The following PGR variants were observed in gnomAD, a reference collection of about 807,000 sequenced individuals.
PGR encodes nuclear receptor subfamily 3 group C member 3.
A neutral mutation model predicts 76.1 loss-of-function variants in PGR; 25 were observed. The observed-to-expected ratio is 0.33, with a 90% CI of 0.24 to 0.46. The LOEUF (loss-of-function observed/expected upper bound fraction) is 0.46. Among genes scored for constraint, PGR ranks in the 20% least tolerant of loss-of-function variants. The pLI is 1.00. For synonymous variants in PGR, 579 were observed against 535.0 expected, an observed-to-expected ratio of 1.08 and a Z score of -1.14; for missense variants, 1,172 against 1,225.3, an observed-to-expected ratio of 0.96 and a Z score of 0.65.
chr11:101,042,290 C>T (rs1859717692), intron 6 of PGR, among the ~76,000 whole-genome samples, 188 bp from the exon 7 acceptor site: 1 of 152,076 alleles, frequency 6.6e-6, no homozygotes. Context: ...ACTTCTAGTT[C>T]ACTGGAAGAA....
At chr11:101,088,894 T>C (rs1396704622) in intron 3 of PGR, among the ~76,000 whole-genome samples, 1 of 152,178 alleles carries the variant, frequency 6.6e-6, no homozygotes, top group Non-Finnish European at 1.5e-5. Context: ...AGCATGGATG[T>C]AGCTGTAGGC....
At chr11:101,041,870 T>A in intron 7 of PGR, 75 bp downstream of exon 7, 1 of 1,320,528 alleles carries the variant, frequency 7.6e-7, no homozygotes, top group Non-Finnish European at 1.1e-6. Context: ...AAAGTAAAAT[T>A]TACATGTAAC....
rs1332449152 is a variant in PGR at position 101,035,876 on chromosome 11, G to A, written c.*3240C>T. ...AATCCTGCTTTCACTGTAGAATATA[G>A]CTGGTGAGTTTGATAAAATTATAGC... On this transcript the variant is annotated 3_prime_UTR_variant, in exon 8 of 8. Transcript: ENST00000325455. 4.3e-6 allele frequency: 1 copy of A among 230,114 alleles called. No homozygotes were observed. Among genetic ancestry groups the A allele is most frequent in the Non-Finnish European group, 8.6e-6 (1 of 116,184 alleles). The allele number at this position is 230,114 out of a possible 1,614,324, so 14.3% of individuals were successfully genotyped here.
rs2135370126 is a variant in PGR at position 101,035,165 on chromosome 11, C to T, written c.*3951G>A. The T allele has an allele frequency of 9.3e-6, 2 of 214,208 alleles. No homozygotes were observed. Among genetic ancestry groups the T allele is most frequent in the Middle Eastern group, 1.5e-3 (1 of 668 alleles). The allele number at this position is 214,208 out of a possible 1,614,324, so 13.3% of individuals were successfully genotyped here. ...TTATGCCATTACTTGTCTCCTTGTC[C>T]ACTTCACTTTATCAGTGGGGACCAC... is the stretch of plus-strand genomic sequence containing the variant. On this transcript the variant is annotated 3_prime_UTR_variant, in exon 8 of 8. Coordinates refer to ENST00000325455, the MANE Select transcript of PGR (RefSeq NM_000926.4).
At chr11:101,046,292 A>ATTTTTTTTTTTTTT (rs540943297) in intron 6 of PGR, among the ~76,000 whole-genome samples, 15 of 66,290 alleles carry the variant, frequency 2.3e-4, no homozygotes, top group Non-Finnish European at 3.0e-4. Context: ...CGCCTGGCTA[A>ATTTTTTTTTTTTTT]TTTTTTTTTT....
chr11:101,082,621 C>T (rs1414755527), intron 3 of PGR, among the ~76,000 whole-genome samples: 1 of 152,176 alleles, frequency 6.6e-6, no homozygotes, highest in East Asian at 1.9e-4. Flanking sequence ...AGACTGGTGG[C>T]ATTTTGCCCC....
chr11:101,062,353 A>G, intron 4 of PGR, 94 bp downstream of exon 4: 3 of 939,946 alleles, frequency 3.2e-6, no homozygotes, highest in Non-Finnish European at 1.7e-6. Flanking sequence ...TATTGTAGTT[A>G]ATTTACTGCA....
At chr11:101,064,615 T>C (rs1047154933) in intron 3 of PGR, among the ~76,000 whole-genome samples, 6 of 152,070 alleles carry the variant, frequency 3.9e-5, no homozygotes, top group African/African-American at 1.4e-4. Context: ...AGTTTCCCTG[T>C]CCATGACTAT....
rs923874516 is a variant in PGR, at chr11:101,127,601, G to T, written c.1470C>A (p.Leu490=). 7.7e-7 allele frequency: 1 copy of T among 1,303,394 alleles called. No individual in the cohort carries two copies. Among genetic ancestry groups the T allele is most frequent in the African/African-American group, 1.5e-5 (1 of 64,586 alleles). 80.7% of individuals were successfully genotyped at this position (1,303,394 alleles called of 1,614,324 possible). A position where few individuals can be genotyped will look rare whatever the true frequency, so the allele number is the denominator to read the frequency against. ...AGGTGGAGGGCAGGCCGTCCCGCGG[G>T]AGCAGGCAGCCGCTCGCGCCCGGCG... ...CKAPGASGCL[L]PRDGLPSTSA... is the part of the protein sequence containing the mutation. Residue 490 remains leucine (L), a synonymous_variant, in exon 1 of 8, where the codon CTC becomes CTA. Coordinates refer to ENST00000325455, the MANE Select transcript of PGR (RefSeq NM_000926.4).
At chr11:101,060,686 A>G (rs1454657442) in intron 4 of PGR, among the ~76,000 whole-genome samples, 1 of 152,208 alleles carries the variant, frequency 6.6e-6, no homozygotes, top group East Asian at 1.9e-4. Context: ...TATGGCTTTA[A>G]AAGTCCACAG....
intron 3 of PGR, chr11:101,063,172 T>G (rs1186902027): frequency 6.4e-6 from 1 of 156,532 alleles, no homozygotes; most frequent in Non-Finnish European, 1.4e-5. Context: ...TAATTGAAAC[T>G]TAGTCTATAG....
At chr11:101,059,858 A>AG (rs1860427604) in intron 4 of PGR, among the ~76,000 whole-genome samples, 1 of 85,122 alleles carries the variant, frequency 1.2e-5, no homozygotes, top group Non-Finnish European at 3.7e-5. Context: ...AAAAAAAAAA[A>AG]AAAGAAAAAA....
At chr11:101,098,403 T>C (rs1861901322) in intron 2 of PGR, among the ~76,000 whole-genome samples, 1 of 152,016 alleles carries the variant, frequency 6.6e-6, no homozygotes, top group Non-Finnish European at 1.5e-5. Context: ...TGGCAGGAAA[T>C]AATATATGTT....
At chr11:101,050,280 G>C (rs934196570) in intron 5 of PGR, among the ~76,000 whole-genome samples, 1 of 151,998 alleles carries the variant, frequency 6.6e-6, no homozygotes, top group Non-Finnish European at 1.5e-5. Context: ...CTTAAAACTA[G>C]AAAATTATAT....
Position 101,127,791 on chromosome 11 carries a change from G to C in PGR, c.1280C>G (p.Pro427Arg). ...FPLGPPPPLP[P>R]RATPSRPGEA... ...CCCGGGTCTGGATGGGGTCGCTCGC[G>C]GCGGCAGCGGGGGCGGTGGCCCCAA... The change falls in exon 1 of 8, where the codon CCG becomes CGG. Residue 427 changes from proline to arginine, a missense_variant. By Grantham distance (103) the Pro-to-Arg change is moderately radical (BLOSUM62 -2). Around this residue, in one of 4 missense-constraint regions of PGR, gnomAD observed 893 missense variants for 785.9 expected, o/e 1.14. Transcript: ENST00000325455. 6.4e-7 allele frequency: 1 copy of C among 1,564,844 alleles called. No homozygotes were observed. Among genetic ancestry groups the C allele is most frequent in the Non-Finnish European group, 8.6e-7 (1 of 1,163,590 alleles).
intron 3 of PGR, among the ~76,000 whole-genome samples, chr11:101,074,254 A>C (rs935712249): frequency 1.3e-5 from 2 of 152,208 alleles, no homozygotes; most frequent in Non-Finnish European, 2.9e-5. Flanking sequence ...GATGCAGAAA[A>C]GGCCTTTAAC....
rs928715070 is a variant in PGR, at chr11:101,034,763, G to A, written c.*4353C>T. 5.7e-6 allele frequency: 1 copy of A among 175,714 alleles called. No individual in the cohort carries two copies. The highest frequency in any genetic ancestry group is 2.4e-5 in the African/African-American group (1 of 42,166). The allele number at this position is 175,714 out of a possible 1,614,324, so 10.9% of individuals were successfully genotyped here. On this transcript the variant is annotated 3_prime_UTR_variant, in exon 8 of 8. Transcript: ENST00000325455. ...AGCTTGGATTCATCTTATGGATGTT[G>A]ACTAATCTGGCTTGGATTATATTTT... is the stretch of plus-strand genomic sequence containing the variant.
chr11:101,066,498 T>C (rs187017949), intron 3 of PGR, among the ~76,000 whole-genome samples: 214 of 152,332 alleles, frequency 1.4e-3, no homozygotes, highest in Non-Finnish European at 2.4e-3. Context: ...CATCTAGTTC[T>C]ATGTCTCTAA....
At chr11:101,118,127 T>G (rs1862566235) in intron 2 of PGR, among the ~76,000 whole-genome samples, 1 of 152,206 alleles carries the variant, frequency 6.6e-6, no homozygotes. Flanking sequence ...TATCTTTTCC[T>G]GCAAAGGAAT....
Sources: gnomAD v4.1 joint callset for allele counts (sites outside exome capture counted in the v4.1 genomes callset) on GRCh38, gnomAD v4.1.1 for gene constraint, gnomAD v4.1.1 regional missense constraint, MANE v1.5 for transcripts, NCBI Gene and HGNC (gene_info 2026-07-23, HGNC 2026-07-21) for gene names.